The following RASA3 variants were observed in gnomAD, a reference collection of about 807,000 sequenced individuals.
RASA3 encodes the protein ras GTPase-activating protein 3.
In RASA3, 73 loss-of-function variants were observed where a neutral mutation model predicts 110.0. The ratio of observed to expected loss-of-function variants is 0.66; its 90% CI spans 0.55 to 0.81. RASA3 has a LOEUF of 0.81. RASA3 is among the 30% of genes least tolerant of loss of function. The pLI is 0.00. For missense variants in RASA3, 976 were observed against 1,113.2 expected (o/e 0.88, Z 1.75); for synonymous variants, 500 against 451.4 (o/e 1.11, Z -1.37).
chr13:114,052,962 A>G (rs1365140949), intron 2 of RASA3, among the ~76,000 whole-genome samples: 27 of 47,392 alleles, frequency 5.7e-4, no homozygotes, highest in Admixed American at 1.4e-3. Flanking sequence ...CTGGGGGAGA[A>G]ATCGCCACTG....
At chr13:114,039,834 C>T (rs759001190) in intron 4 of RASA3, among the ~76,000 whole-genome samples, 8 of 152,188 alleles carry the variant, frequency 5.3e-5, no homozygotes, top group African/African-American at 2.4e-5. Context: ...GGGACAAGCT[C>T]CCCCCACTGG....
chr13:114,122,335 C>T (rs774954834), intron 1 of RASA3, among the ~76,000 whole-genome samples: 15 of 152,238 alleles, frequency 9.9e-5, no homozygotes, highest in Non-Finnish European at 1.8e-4. Flanking sequence ...ACCCGGACCT[C>T]GGAGGAGAGT....
At chr13:113,989,664 C>CCCAT (rs960095871) in intron 22 of RASA3, among the ~76,000 whole-genome samples, 5 of 150,934 alleles carry the variant, frequency 3.3e-5, no homozygotes, top group South Asian at 2.1e-4. Flanking sequence ...CACCCATCTA[C>CCCAT]CCATCCATCC....
rs916069819 is a variant in RASA3, at chr13:114,056,243, G to A, written c.174-4088C>T. 2.0e-5 allele frequency among the ~76,000 whole-genome samples: 3 copies of A among 152,214 alleles called. No individual in the cohort carries two copies. The highest frequency in any genetic ancestry group is 7.2e-5 in the African/African-American group (3 of 41,444). ...GTGTCCAATGCGTGTCTGGTGAGTG[G>A]TGAGTGTCTGGTGTGTGTCTGATGT... On this transcript the variant is annotated intron_variant, in intron 2 of 23. Transcript: ENST00000334062. This position sits in a 1 kb window ranked among gnomAD's most constrained non-coding sequence, Gnocchi z 5.7.
chr13:113,991,935 CCATACATTCA>C (rs1053914584), intron 22 of RASA3, among the ~76,000 whole-genome samples: 3 of 151,894 alleles, frequency 2.0e-5, no homozygotes, highest in African/African-American at 4.8e-5. Flanking sequence ...CATGTCATGT[CCATACATTCA>C]CACACACTCA....
intron 1 of RASA3, chr13:114,108,646 G>A (rs2080174207): frequency 6.6e-6 from 1 of 152,024 alleles, no homozygotes; most frequent in Non-Finnish European, 1.5e-5. Context: ...CACACCTTGT[G>A]TGCACAGCTT....
intron 4 of RASA3, among the ~76,000 whole-genome samples, chr13:114,040,687 G>A (rs118082647): frequency 0.02 from 2,885 of 142,486 alleles, 115 homozygotes; most frequent in Non-Finnish European, 0.033. Context: ...AGGCAAACAC[G>A]CACAACCCAA....
chr13:114,107,016 C>A (rs1471862533), intron 1 of RASA3, among the ~76,000 whole-genome samples: 5 of 152,250 alleles, frequency 3.3e-5, no homozygotes, highest in Non-Finnish European at 7.3e-5. Flanking sequence ...CCACATCTGG[C>A]AAGGACGGCT....
intron 21 of RASA3, among the ~76,000 whole-genome samples, chr13:113,995,808 GTC>G (rs2053231973): frequency 1.9e-5 from 1 of 51,406 alleles, no homozygotes. Flanking sequence ...GCTGATGGGG[GTC>G]CGGCTGACGG....
At chr13:113,982,526 C>T (rs1481316424) in intron 22 of RASA3, among the ~76,000 whole-genome samples, 1 of 152,260 alleles carries the variant, frequency 6.6e-6, no homozygotes, top group Non-Finnish European at 1.5e-5. Flanking sequence ...GCCATGGAAC[C>T]CTTGAGCCAG....
chr13:114,036,368 G>T (rs1169468267), intron 4 of RASA3, among the ~76,000 whole-genome samples: 1 of 152,222 alleles, frequency 6.6e-6, no homozygotes, highest in South Asian at 2.1e-4. Flanking sequence ...TCCCCCATGG[G>T]CTGCTTCTGT....
intron 2 of RASA3, among the ~76,000 whole-genome samples, chr13:114,053,640 T>C (rs2079190907): frequency 6.6e-6 from 1 of 152,122 alleles, no homozygotes; most frequent in Non-Finnish European, 1.5e-5. Flanking sequence ...CCCGCACCCA[T>C]CTGTAAGGGT....
chr13:114,093,558 GTGACCTTTGACCTT>G (rs1359877695), intron 1 of RASA3, among the ~76,000 whole-genome samples: 1 of 152,132 alleles, frequency 6.6e-6, no homozygotes, highest in Non-Finnish European at 1.5e-5. Context: ...AATCTGATTG[GTGACCTTTGACCTT>G]CCTGTACCTG....
Position 114,048,500 on chromosome 13 carries a change from G to A in RASA3, c.277+3552C>T, listed in dbSNP as rs375538655. On this transcript the variant is annotated intron_variant, in intron 3 of 23. Coordinates refer to ENST00000334062, the MANE Select transcript of RASA3 (RefSeq NM_007368.4). The surrounding 1 kb of genome is among the most constrained non-coding windows in gnomAD (Gnocchi z 4.3). Reference sequence around the variant, plus strand: ...GGAGGGAGGCGCCAGGATCGGGGGCGGAGACCCCAATGCTCCTGACAGCAC... The same window carrying A: ...GGAGGGAGGCGCCAGGATCGGGGGCAGAGACCCCAATGCTCCTGACAGCAC... Among the ~76,000 whole-genome samples the A allele has an allele frequency of 3.5e-4, 53 of 152,272 alleles. No homozygotes were observed. Among genetic ancestry groups the A allele is most frequent in the African/African-American group, 1.0e-3 (42 of 41,550 alleles).
At chr13:114,074,688 C>A in intron 1 of RASA3, among the ~76,000 whole-genome samples, 1 of 152,252 alleles carries the variant, frequency 6.6e-6, no homozygotes, top group East Asian at 1.9e-4. Context: ...GTCCACCTCT[C>A]CCTCCTTCAA....
intron 2 of RASA3, among the ~76,000 whole-genome samples, chr13:114,073,311 CTACACATGGGAAAATGGGACGGTGATG>C (rs1303822070): frequency 6.4e-5 from 9 of 140,664 alleles, no homozygotes; most frequent in East Asian, 2.2e-4. Context: ...GAAAAATTCC[CTACACATGGGAAAATGGGACGGTGATG>C]TACATGCTTG....
intron 1 of RASA3, among the ~76,000 whole-genome samples, chr13:114,090,180 C>T (rs1002300084): frequency 4.6e-5 from 7 of 152,186 alleles, no homozygotes; most frequent in African/African-American, 7.2e-5. Flanking sequence ...TGGGGCCGCA[C>T]GGCAACAGGT....
At chr13:114,043,338 G>A (rs952185292) in intron 3 of RASA3, among the ~76,000 whole-genome samples, 7 of 152,164 alleles carry the variant, frequency 4.6e-5, no homozygotes, top group Admixed American at 1.3e-4. Flanking sequence ...GCTGACACCT[G>A]CCATGCACGT....
Position 113,979,946 on chromosome 13 carries a change from CCCA to C in RASA3, c.2430-527_2430-525del, listed in dbSNP as rs539150411. Reference sequence around the variant, plus strand: ...TACCACCTCCATGTGTGCATCTCCTCCCACGTGTGTGCACCTCCTTCCACGTGT... The same window carrying C: ...TACCACCTCCATGTGTGCATCTCCTCCGTGTGTGCACCTCCTTCCACGTGT... On this transcript the variant is annotated intron_variant, in intron 23 of 23. Transcript: ENST00000334062. Among the ~76,000 whole-genome samples the C allele has an allele frequency of 2.8e-4, 43 of 151,422 alleles. 1 individual carries two copies. The East Asian group carries it at 5.3e-3, about 19-fold the overall frequency.
Sources: allele counts gnomAD v4.1 joint callset (sites outside exome capture counted in the v4.1 genomes callset), GRCh38; gene constraint gnomAD v4.1.1; non-coding constraint Gnocchi (gnomAD v3.1); transcripts MANE v1.5; gene names NCBI Gene and HGNC (gene_info 2026-07-23, HGNC 2026-07-21).